The following PLPP4 variants were observed in gnomAD, a reference collection of about 807,000 sequenced individuals.
PLPP4 encodes the protein diacylglycerol pyrophosphate like 2.
A neutral mutation model predicts 32.2 loss-of-function variants in PLPP4; 20 were observed. That is an observed-to-expected ratio of 0.62 (90% CI 0.44 to 0.90). The LOEUF is 0.90. Among genes scored for constraint, PLPP4 ranks in the 40% least tolerant of loss-of-function variants. PLPP4 has a pLI of 0.00. For missense variants in PLPP4, 257 were observed against 353.1 expected (o/e 0.73, Z 2.18); for synonymous variants, 127 against 133.0 (o/e 0.95, Z 0.31).
At chr10:120,482,400 A>G (rs1204950638) in intron 1 of PLPP4, among the ~76,000 whole-genome samples, 1 of 152,212 alleles carries the variant, frequency 6.6e-6, no homozygotes, top group Non-Finnish European at 1.5e-5. Flanking sequence ...GTTATATTTT[A>G]GCAAAGAGAC....
intron 1 of PLPP4, among the ~76,000 whole-genome samples, chr10:120,485,171 G>T (rs1844388131): frequency 1.3e-5 from 2 of 152,238 alleles, no homozygotes; most frequent in African/African-American, 4.8e-5. Flanking sequence ...AAGCCACTAT[G>T]TTTGTAGTCA....
rs189050494 is a variant in PLPP4 at position 120,567,168 on chromosome 10, A to G, written c.446-7963A>G. On this transcript the variant is annotated intron_variant, in intron 5 of 6. Coordinates refer to ENST00000398250, the MANE Select transcript of PLPP4 (RefSeq NM_001030059.3). The stretch of plus-strand genomic sequence containing the variant: ...TTTCGTCTAACATTTAATTATTTCA[A>G]ACAAAATATATAGTCTGCTACACTG... Among the ~76,000 whole-genome samples, 678 of 152,302 alleles carry G rather than the reference A, an allele frequency of 4.5e-3. 11 individuals carry two copies. The highest frequency in any genetic ancestry group is 0.015 in the African/African-American group (641 of 41,562).
chr10:120,489,982 G>T (rs1264395992), intron 1 of PLPP4, among the ~76,000 whole-genome samples: 2 of 152,208 alleles, frequency 1.3e-5, no homozygotes, highest in African/African-American at 4.8e-5. Flanking sequence ...ACCACAAGCA[G>T]ACAAGAATGC....
intron 1 of PLPP4, 129 bp downstream of exon 1, chr10:120,457,490 C>G (rs1049900946): frequency 5.8e-6 from 4 of 689,902 alleles, no homozygotes; most frequent in African/African-American, 5.5e-5. Context: ...CCTTCCCCGC[C>G]AAGTGCCCGC....
At chr10:120,535,760 A>C (rs1356100528) in intron 5 of PLPP4, among the ~76,000 whole-genome samples, 3 of 149,928 alleles carry the variant, frequency 2.0e-5, no homozygotes, top group East Asian at 2.0e-4. Context: ...GTGGATGCAA[A>C]CCCCCCTGGG....
chr10:120,581,154 C>T, intron 6 of PLPP4: 1 of 985,410 alleles, frequency 1.0e-6, no homozygotes, highest in Non-Finnish European at 1.2e-6. Context: ...CCAGGATAGC[C>T]CTGGTGTTTC....
At chr10:120,582,772 TTCCTCCCTC>T (rs1564857322) in intron 6 of PLPP4, among the ~76,000 whole-genome samples, 71 of 28,514 alleles carry the variant, frequency 2.5e-3, no homozygotes, top group African/African-American at 9.3e-3. Flanking sequence ...CCTCCCTCCC[TTCCTCCCTC>T]CCTCCCTCCC....
intron 5 of PLPP4, among the ~76,000 whole-genome samples, chr10:120,561,333 A>G (rs1260462185): frequency 6.6e-6 from 1 of 152,162 alleles, no homozygotes; most frequent in Admixed American, 6.5e-5. Flanking sequence ...TGGGTATAGT[A>G]GCAGTCCAAT....
At chr10:120,520,561 A>G (rs1037991102) in intron 4 of PLPP4, among the ~76,000 whole-genome samples, 1 of 152,232 alleles carries the variant, frequency 6.6e-6, no homozygotes, top group African/African-American at 2.4e-5. Context: ...CACAGATGGC[A>G]TGAAGCCTTC....
chr10:120,540,172 C>T (rs1564826483), intron 5 of PLPP4, among the ~76,000 whole-genome samples: 1 of 152,174 alleles, frequency 6.6e-6, no homozygotes, highest in Non-Finnish European at 1.5e-5. Context: ...CATTTGCTGA[C>T]TCTGGAGAGA....
chr10:120,483,429 G>A (rs1381932858), intron 1 of PLPP4, among the ~76,000 whole-genome samples: 2 of 152,176 alleles, frequency 1.3e-5, no homozygotes, highest in Non-Finnish European at 2.9e-5. Context: ...TCTCTTAGGG[G>A]TCTTGTGAGG....
At chr10:120,474,527 T>C (rs1330594243) in intron 1 of PLPP4, among the ~76,000 whole-genome samples, 1 of 152,222 alleles carries the variant, frequency 6.6e-6, no homozygotes, top group Non-Finnish European at 1.5e-5. Flanking sequence ...ACTTGGTTCC[T>C]GGATATATTA....
intron 3 of PLPP4, among the ~76,000 whole-genome samples, chr10:120,515,657 A>G (rs1845906900): frequency 6.6e-6 from 1 of 152,162 alleles, no homozygotes; most frequent in African/African-American, 2.4e-5. Context: ...GCTGAGGTGG[A>G]AAAAGGTCAC....
At chr10:120,574,133 C>T (rs1051608711) in intron 5 of PLPP4, among the ~76,000 whole-genome samples, 1 of 51,238 alleles carries the variant, frequency 2.0e-5, no homozygotes, top group Non-Finnish European at 4.0e-5. Context: ...GGGGAGTACA[C>T]ACACACACAC....
intron 5 of PLPP4, among the ~76,000 whole-genome samples, chr10:120,553,836 G>A (rs1409996070): frequency 6.6e-6 from 1 of 152,202 alleles, no homozygotes; most frequent in African/African-American, 2.4e-5. Context: ...GGGCAGTGAG[G>A]CCCTGGGCCT....
chr10:120,521,100 G>T lies in PLPP4; in HGVS notation c.445+5G>T. On this transcript the variant is annotated splice_donor_5th_base_variant and intron_variant, in intron 5 of 6. Transcript: ENST00000398250. ...TCCCCAGCATCCATTCCTCCTGTAA[G>T]TTCATGGCTGGGATTCTCTTAATGC... 1 of 1,613,948 alleles carries T rather than the reference G, an allele frequency of 6.2e-7. No homozygotes were observed. The highest frequency in any genetic ancestry group is 1.7e-5 in the Admixed American group (1 of 59,982).
intron 1 of PLPP4, among the ~76,000 whole-genome samples, chr10:120,463,087 G>C (rs1306944016): frequency 2.0e-5 from 3 of 148,826 alleles, no homozygotes; most frequent in Non-Finnish European, 3.0e-5. Flanking sequence ...GAGTGCAATG[G>C]TGCGATCTCG....
At chr10:120,581,405 G>A (rs1452089627) in intron 6 of PLPP4, 2 of 639,864 alleles carry the variant, frequency 3.1e-6, no homozygotes, top group African/African-American at 4.0e-5. Flanking sequence ...TCCTTCTTTG[G>A]CCCTCAACTG....
At chr10:120,579,421 CATT>C (rs1482278098) in intron 6 of PLPP4, among the ~76,000 whole-genome samples, 2 of 152,068 alleles carry the variant, frequency 1.3e-5, no homozygotes, top group Non-Finnish European at 2.9e-5. Context: ...TCAAGATGGC[CATT>C]ATTGCGTTCG....
Sources: allele counts gnomAD v4.1 joint callset (sites outside exome capture counted in the v4.1 genomes callset), GRCh38; gene constraint gnomAD v4.1.1; transcripts MANE v1.5; gene names NCBI Gene and HGNC (gene_info 2026-07-23, HGNC 2026-07-21).